Variants in LAMA3 observed in about 807,000 individuals in gnomAD.
The protein encoded by LAMA3 is laminin subunit alpha-3.
LAMA3 carries 281 observed loss-of-function variants against 402.0 expected under a neutral mutation model. The observed-to-expected ratio is 0.70, with a 90% CI of 0.63 to 0.77. The LOEUF is 0.77. Ranked by LOEUF, LAMA3 falls within the 30% of genes least tolerant of loss-of-function variation. LAMA3 has a pLI of 0.00. For missense variants in LAMA3, 3,840 were observed against 4,215.5 expected (o/e 0.91, Z 2.47); for synonymous variants, 1,431 against 1,558.4 (o/e 0.92, Z 1.93).
chr18:23,817,888 T>C (rs2063207906), intron 18 of LAMA3, among the ~76,000 whole-genome samples: 1 of 152,154 alleles, frequency 6.6e-6, no homozygotes. Flanking sequence ...TTTTCCTGGC[T>C]CGCGCCTGTA....
At chr18:23,892,542 C>G (rs572635748) in intron 42 of LAMA3, among the ~76,000 whole-genome samples, 2 of 152,070 alleles carry the variant, frequency 1.3e-5, no homozygotes, top group Non-Finnish European at 2.9e-5. Context: ...GGAAACAAGA[C>G]CATGCTTGCT....
intron 12 of LAMA3, 22 bp downstream of exon 12, chr18:23,784,179 T>C (rs1465208160): frequency 6.2e-7 from 1 of 1,613,796 alleles, no homozygotes; most frequent in Non-Finnish European, 8.5e-7. Context: ...GAACATAGCA[T>C]ATTCATAATC....
chr18:23,902,278 T>G (rs747628356), intron 48 of LAMA3, among the ~76,000 whole-genome samples: 3 of 152,018 alleles, frequency 2.0e-5, no homozygotes, highest in Non-Finnish European at 4.4e-5. Context: ...AAGGCTGCAG[T>G]GAGCCATTAT....
intron 8 of LAMA3, among the ~76,000 whole-genome samples, chr18:23,770,661 T>C (rs2143834277): frequency 6.6e-6 from 1 of 152,252 alleles, no homozygotes; most frequent in East Asian, 1.9e-4. Flanking sequence ...CTCGGGAGGC[T>C]GAGGCAGGAG....
chr18:23,746,133 T>C (rs1338666814), intron 2 of LAMA3, among the ~76,000 whole-genome samples: 3 of 152,176 alleles, frequency 2.0e-5, no homozygotes, highest in Admixed American at 6.5e-5. Context: ...GTTGGATCAC[T>C]TTTTCCACGT....
chr18:23,909,060 A>G (rs2081349684), intron 54 of LAMA3, 93 bp from the exon 55 acceptor site: 1 of 1,239,204 alleles, frequency 8.1e-7, no homozygotes, highest in African/African-American at 1.5e-5. Flanking sequence ...GGGACCAAAC[A>G]TGCCACTTGA....
At chr18:23,757,816 AT>A in intron 6 of LAMA3, among the ~76,000 whole-genome samples, 1 of 152,362 alleles carries the variant, frequency 6.6e-6, no homozygotes, top group Non-Finnish European at 1.5e-5. Flanking sequence ...CCCTTTTGAA[AT>A]GAGACTTTTA....
chr18:23,901,158 C>A lies in LAMA3; in HGVS notation c.6036C>A (p.Thr2012=), dbSNP rs1184764923. The A allele has an allele frequency of 1.9e-6, 3 of 1,613,992 alleles. No homozygotes were observed. Among genetic ancestry groups the A allele is most frequent in the Non-Finnish European group, 1.7e-6 (2 of 1,180,030 alleles). ...ACCGGATAAGGACCTGGCAGAAAACCCACCAGGGGGAGAACAATGGGCTTG... is the reference window on the plus strand; with the variant it reads ...ACCGGATAAGGACCTGGCAGAAAACACACCAGGGGGAGAACAATGGGCTTG... ...LLNRIRTWQK[T]HQGENNGLAN... is the part of the protein sequence containing the mutation. Residue 2012 remains threonine (T), a synonymous_variant, in exon 48 of 75, where the codon ACC becomes ACA. Transcript: ENST00000313654.
At position 23,842,505 on chromosome 18, in the gene LAMA3, C is replaced by A. The variant is rs780866716; in HGVS notation, c.3447C>A (p.Gly1149=). 6.2e-7 allele frequency: 1 copy of A among 1,614,094 alleles called. No individual in the cohort carries two copies. The highest frequency in any genetic ancestry group is 8.5e-7 in the Non-Finnish European group (1 of 1,180,048). The change falls in exon 28 of 75, where the codon GGC becomes GGA. Residue 1149 remains glycine (G), a synonymous_variant. Coordinates refer to ENST00000313654, the MANE Select transcript of LAMA3 (RefSeq NM_198129.4). The part of the protein sequence containing the change: ...PTFPAQVSVD[G]GWPRAGSFHA... ...TTCCCGCGCAGGTGTCGGTGGATGG[C>A]GGGTGGCCACGGGCAGGTGAGCTGC...
rs1418146154 is a variant in LAMA3 at position 23,890,046 on chromosome 18, T to G, written c.5339T>G (p.Phe1780Cys). 6 of 1,614,194 alleles carry G rather than the reference T, an allele frequency of 3.7e-6. No individual in the cohort carries two copies. Among genetic ancestry groups the G allele is most frequent in the Non-Finnish European group, 5.1e-6 (6 of 1,180,000 alleles). ...GGATATTTCGGGAATCCCCAGAAATTCGGAGGTAGCTGCCAACCATGCAGT... is the reference window on the plus strand; with the variant it reads ...GGATATTTCGGGAATCCCCAGAAATGCGGAGGTAGCTGCCAACCATGCAGT... ...APGYFGNPQK[F>C]GGSCQPCSCN... Residue 1780 changes from phenylalanine to cysteine, a missense_variant, in exon 42 of 75, where the codon TTC becomes TGC. By Grantham distance (205) the Phe-to-Cys change is radical. Around this residue, in one of 3 missense-constraint regions of LAMA3, gnomAD observed 2,109 missense variants for 2,376.0 expected, o/e 0.89. Transcript: ENST00000313654.
At chr18:23,776,216 T>C (rs1397032895) in intron 10 of LAMA3, among the ~76,000 whole-genome samples, 2 of 152,184 alleles carry the variant, frequency 1.3e-5, no homozygotes, top group African/African-American at 2.4e-5. Flanking sequence ...TGTGTGATTT[T>C]TCCTCCTAAA....
chr18:23,690,470 C>A (rs1711451), intron 1 of LAMA3, among the ~76,000 whole-genome samples: 84,571 of 152,122 alleles, frequency 0.56, 24,121 homozygotes, highest in Middle Eastern at 0.64. Flanking sequence ...TGAAAAGATT[C>A]ACTTCACTGC....
intron 1 of LAMA3, among the ~76,000 whole-genome samples, chr18:23,705,665 A>C (rs1247850928): frequency 6.6e-6 from 1 of 151,902 alleles, no homozygotes; most frequent in Non-Finnish European, 1.5e-5. Context: ...GCTGGGATGC[A>C]TGCCACCATG....
intron 44 of LAMA3, among the ~76,000 whole-genome samples, chr18:23,896,657 G>A (rs2080885393): frequency 6.6e-6 from 1 of 152,188 alleles, no homozygotes; most frequent in South Asian, 2.1e-4. Context: ...CTAAAAAGCA[G>A]CCTGGAAGCT....
At chr18:23,714,421 G>A (rs866466780) in intron 2 of LAMA3, among the ~76,000 whole-genome samples, 26 of 152,256 alleles carry the variant, frequency 1.7e-4, no homozygotes, top group South Asian at 6.2e-4. Flanking sequence ...TTGGGAGGCT[G>A]AGGCAGGAGA....
chr18:23,948,766 C>T (rs1251072408), intron 70 of LAMA3, among the ~76,000 whole-genome samples: 1 of 152,072 alleles, frequency 6.6e-6, no homozygotes, highest in Non-Finnish European at 1.5e-5. Flanking sequence ...GACGGGGTTT[C>T]ACCATGTTGG....
chr18:23,763,681 A>T (rs2062020761), intron 8 of LAMA3, among the ~76,000 whole-genome samples, 158 bp downstream of exon 8: 1 of 152,156 alleles, frequency 6.6e-6, no homozygotes, highest in African/African-American at 2.4e-5. Context: ...TGTTAGCTGG[A>T]TGTAATTTAG....
chr18:23,749,320 G>C, intron 3 of LAMA3, 108 bp from the exon 4 acceptor site: 1 of 683,512 alleles, frequency 1.5e-6, no homozygotes, highest in Non-Finnish European at 2.5e-6. Context: ...ATGCCTTTCT[G>C]TTTTTTCTTT....
At chr18:23,878,121 C>T (rs888111219) in intron 39 of LAMA3, among the ~76,000 whole-genome samples, 2 of 151,978 alleles carry the variant, frequency 1.3e-5, no homozygotes, top group Non-Finnish European at 2.9e-5. Context: ...CAAAACAAAA[C>T]AAAAACAAAA....
Sources: allele counts gnomAD v4.1 joint callset (sites outside exome capture counted in the v4.1 genomes callset), GRCh38; gene constraint gnomAD v4.1.1; regional missense constraint gnomAD v4.1.1; transcripts MANE v1.5; gene names NCBI Gene and HGNC (gene_info 2026-07-23, HGNC 2026-07-21).